Variants in KCNH1 observed in about 807,000 individuals in gnomAD.
KCNH1 encodes the protein voltage-gated delayed rectifier potassium channel KCNH1.
KCNH1 carries 27 observed loss-of-function variants against 69.2 expected under a neutral mutation model. That is an observed-to-expected ratio of 0.39 (90% CI 0.29 to 0.54). The LOEUF (loss-of-function observed/expected upper bound fraction) is 0.54, where lower values mean the gene tolerates loss of function less well. Among genes scored for constraint, KCNH1 ranks in the 20% least tolerant of loss-of-function variants. KCNH1 has a pLI of 0.68. For synonymous variants in KCNH1, 456 were observed against 487.7 expected (o/e 0.93, Z 0.86); for missense variants, 798 against 1,261.6 (o/e 0.63, Z 5.57).
intron 6 of KCNH1, among the ~76,000 whole-genome samples, chr1:210,974,397 C>T (rs537559796): frequency 1.3e-5 from 2 of 151,772 alleles, no homozygotes; most frequent in African/African-American, 4.8e-5. Context: ...GTGAATAATT[C>T]TTTTTACATG....
At chr1:210,825,089 C>G (rs1685008180) in intron 7 of KCNH1, among the ~76,000 whole-genome samples, 1 of 152,076 alleles carries the variant, frequency 6.6e-6, no homozygotes, top group Non-Finnish European at 1.5e-5. Flanking sequence ...AAATACTTTC[C>G]ATTGTTTTCC....
At chr1:210,835,177 G>A (rs1045210538) in intron 7 of KCNH1, among the ~76,000 whole-genome samples, 11 of 152,084 alleles carry the variant, frequency 7.2e-5, no homozygotes, top group Admixed American at 5.9e-4. Flanking sequence ...AAAAATAAAT[G>A]GCTACATGCT....
intron 5 of KCNH1, among the ~76,000 whole-genome samples, chr1:211,020,499 A>AT (rs1266682857): frequency 6.6e-6 from 1 of 151,866 alleles, no homozygotes; most frequent in East Asian, 1.9e-4. Context: ...AATAAAAAAA[A>AT]AAATCTCCCA....
intron 3 of KCNH1, among the ~76,000 whole-genome samples, chr1:211,092,030 A>T (rs778612209): frequency 6.6e-6 from 1 of 152,242 alleles, no homozygotes; most frequent in Non-Finnish European, 1.5e-5. Flanking sequence ...ATTTTGCATA[A>T]CTGGAATAAT....
At chr1:210,906,730 TA>T (rs1211633838) in intron 7 of KCNH1, among the ~76,000 whole-genome samples, 1 of 152,154 alleles carries the variant, frequency 6.6e-6, no homozygotes, top group Non-Finnish European at 1.5e-5. Flanking sequence ...CTCTCACTGA[TA>T]GATTTCAGAA....
At chr1:210,811,151 A>G (rs577766435) in intron 7 of KCNH1, among the ~76,000 whole-genome samples, 2 of 152,180 alleles carry the variant, frequency 1.3e-5, no homozygotes, top group Non-Finnish European at 2.9e-5. Context: ...CCTCTGTTTC[A>G]CTGTGCCTGT....
intron 3 of KCNH1, among the ~76,000 whole-genome samples, chr1:211,094,605 T>C (rs557399679): frequency 2.6e-5 from 4 of 152,330 alleles, no homozygotes; most frequent in Admixed American, 2.0e-4. Context: ...GCATTCAATG[T>C]AGTATTATGC....
intron 6 of KCNH1, among the ~76,000 whole-genome samples, chr1:210,954,781 T>C (rs1319701811): frequency 2.6e-5 from 4 of 152,178 alleles, no homozygotes; most frequent in Admixed American, 2.6e-4. Flanking sequence ...GTTTAAGTTC[T>C]TTGTAGATTC....
At chr1:210,780,861 C>T (rs908882700) in intron 9 of KCNH1, among the ~76,000 whole-genome samples, 1 of 152,174 alleles carries the variant, frequency 6.6e-6, no homozygotes, top group Non-Finnish European at 1.5e-5. Flanking sequence ...TCCTGGCTAA[C>T]ACGGTGAAAC....
At position 210,788,942 on chromosome 1, in the gene KCNH1, C is replaced by T. The variant is rs547006765; in HGVS notation, c.1915+8566G>A. Among the ~76,000 whole-genome samples, 38 of 148,770 alleles carry T rather than the reference C, an allele frequency of 2.6e-4. 3 individuals carry two copies. Among genetic ancestry groups the T allele is most frequent in the African/African-American group, 8.8e-4 (34 of 38,448 alleles). ...CGATCTCCTGACCTCGTGATCCGCC[C>T]GCCTCGGCCTCCCAAAGTGCTGGGA... On this transcript the variant is annotated intron_variant, in intron 9 of 10. Coordinates refer to ENST00000271751, the MANE Select transcript of KCNH1 (RefSeq NM_172362.3).
At chr1:211,071,438 C>T (rs1384353648) in intron 5 of KCNH1, among the ~76,000 whole-genome samples, 2 of 152,132 alleles carry the variant, frequency 1.3e-5, no homozygotes, top group East Asian at 1.9e-4. Context: ...AGAGGATTAG[C>T]GTCACAACAT....
intron 7 of KCNH1, among the ~76,000 whole-genome samples, chr1:210,817,111 CTG>C (rs1278161648): frequency 3.3e-5 from 5 of 152,110 alleles, no homozygotes; most frequent in African/African-American, 1.2e-4. Context: ...CTAAGTGACA[CTG>C]TAAGTTATAG....
At chr1:210,874,777 G>A (rs1305054198) in intron 7 of KCNH1, among the ~76,000 whole-genome samples, 1 of 151,822 alleles carries the variant, frequency 6.6e-6, no homozygotes, top group Admixed American at 6.6e-5. Flanking sequence ...AGTGTTTAAT[G>A]AAAAAAAGGA....
At chr1:210,847,393 T>C (rs1410754611) in intron 7 of KCNH1, among the ~76,000 whole-genome samples, 2 of 152,168 alleles carry the variant, frequency 1.3e-5, no homozygotes, top group African/African-American at 2.4e-5. Flanking sequence ...TGGAATACTA[T>C]GCAGCCATAA....
chr1:210,823,601 T>C lies in KCNH1; in HGVS notation c.1463-19435A>G, dbSNP rs551510312. On this transcript the variant is annotated intron_variant, in intron 7 of 10. Transcript: ENST00000271751. ...GTCTTAATACAAAATAGCAAACATATATTGAGTGCCTTCTTTATGCCAAGC... is the reference window on the plus strand; with the variant it reads ...GTCTTAATACAAAATAGCAAACATACATTGAGTGCCTTCTTTATGCCAAGC... Among the ~76,000 whole-genome samples the C allele has an allele frequency of 9.2e-5, 14 of 152,344 alleles. No homozygotes were observed. The East Asian group carries it at 2.7e-3, about 29-fold the overall frequency.
At chr1:210,940,815 A>G (rs559673627) in intron 6 of KCNH1, among the ~76,000 whole-genome samples, 1 of 152,350 alleles carries the variant, frequency 6.6e-6, no homozygotes, top group South Asian at 2.1e-4. Context: ...TCTTCTCCCA[A>G]GGAAATGAAA....
chr1:210,750,119 A>G (rs1055714006), intron 10 of KCNH1, among the ~76,000 whole-genome samples: 5 of 152,174 alleles, frequency 3.3e-5, no homozygotes, highest in Non-Finnish European at 5.9e-5. Flanking sequence ...GGAATTGAGG[A>G]TGTGACTTCA....
intron 7 of KCNH1, among the ~76,000 whole-genome samples, chr1:210,805,796 T>C (rs7523467): frequency 0.2 from 30,284 of 152,166 alleles, 3,471 homozygotes; most frequent in East Asian, 0.49. Flanking sequence ...ACCTACTTTC[T>C]ATCTCTATTG....
At chr1:210,799,172 T>A (rs1684382459) in intron 8 of KCNH1, among the ~76,000 whole-genome samples, 1 of 152,156 alleles carries the variant, frequency 6.6e-6, no homozygotes, top group Non-Finnish European at 1.5e-5. Context: ...TTTTAAACTG[T>A]TACATGCATT....
Sources: gnomAD v4.1 joint callset for allele counts (sites outside exome capture counted in the v4.1 genomes callset) on GRCh38, gnomAD v4.1.1 for gene constraint, MANE v1.5 for transcripts, NCBI Gene and HGNC (gene_info 2026-07-23, HGNC 2026-07-21) for gene names.